STX2: variants seen among roughly 807,000 people sequenced by gnomAD.
The protein encoded by STX2 is syntaxin 2, also known as syntaxin-2.
In STX2, 27 loss-of-function variants were observed where a neutral mutation model predicts 40.6. The ratio of observed to expected loss-of-function variants is 0.66; its 90% CI spans 0.49 to 0.92. STX2 has a LOEUF of 0.92. STX2 is among the 40% of genes least tolerant of loss of function. The probability of loss-of-function intolerance (pLI) is 0.00; values close to 1 mark genes in which losing one functional copy is unlikely to be tolerated. For missense variants in STX2, 328 were observed against 366.1 expected (o/e 0.90, Z 0.85); for synonymous variants, 123 against 119.1 (o/e 1.03, Z -0.22).
chr12:130,818,250 A>C (rs1951963844), intron 3 of STX2, among the ~76,000 whole-genome samples: 1 of 141,532 alleles, frequency 7.1e-6, no homozygotes, highest in South Asian at 2.2e-4. Flanking sequence ...ATAAACCTGT[A>C]ATCCCAGCTA....
At chr12:130,819,715 C>T (rs1484355362) in intron 3 of STX2, among the ~76,000 whole-genome samples, 5 of 152,192 alleles carry the variant, frequency 3.3e-5, no homozygotes, top group Non-Finnish European at 7.3e-5. Context: ...AAAGGTCCTA[C>T]GGGCAAATAA....
intron 10 of STX2, among the ~76,000 whole-genome samples, chr12:130,795,536 C>A (rs1318792791): frequency 5.9e-5 from 9 of 152,100 alleles, no homozygotes; most frequent in Non-Finnish European, 1.2e-4. Context: ...AATTCGAGAC[C>A]AGCCTGGGCA....
chr12:130,837,669 C>T (rs756032113), intron 1 of STX2, among the ~76,000 whole-genome samples: 3 of 152,174 alleles, frequency 2.0e-5, no homozygotes, highest in Non-Finnish European at 2.9e-5. Context: ...TCAAGTGATG[C>T]CCCCACCCTG....
chr12:130,810,468 T>C (rs370001230), intron 4 of STX2: 7 of 152,236 alleles, frequency 4.6e-5, no homozygotes, highest in African/African-American at 7.2e-5. Flanking sequence ...CCTCGGTGTC[T>C]AGATCACATT....
chr12:130,805,400 G>A (rs573444120), intron 6 of STX2, among the ~76,000 whole-genome samples: 2 of 152,328 alleles, frequency 1.3e-5, no homozygotes, highest in East Asian at 3.9e-4. Flanking sequence ...GAGCAGAAAG[G>A]GCCCAGGTGG....
chr12:130,807,077 G>C lies in STX2; in HGVS notation c.368C>G (p.Ser123Cys). Reference protein sequence around the residue: ...RIRRTQHSVLSRKFVEAMAEY... With the variant: ...RIRRTQHSVLCRKFVEAMAEY... The stretch of plus-strand genomic sequence containing the variant: ...CGCCATGGCTTCCACAAACTTCCGA[G>C]ACAGCACCGAATGCTAACAACACAG... Residue 123 changes from serine (S) to cysteine (C), a missense_variant, in exon 6 of 11, where the codon TCT becomes TGT. Ser to Cys is a moderately radical substitution (Grantham distance 112). Transcript: ENST00000392373. The C allele has an allele frequency of 6.2e-7, 1 of 1,614,178 alleles. No homozygotes were observed. Among genetic ancestry groups the C allele is most frequent in the South Asian group, 1.1e-5 (1 of 91,088 alleles).
At chr12:130,828,265 C>CTGGAGTG (rs1952402288) in intron 1 of STX2, among the ~76,000 whole-genome samples, 1 of 152,002 alleles carries the variant, frequency 6.6e-6, no homozygotes, top group Non-Finnish European at 1.5e-5. Context: ...GTCGCCCAGG[C>CTGGAGTG]TGGAGTGTGG....
At chr12:130,827,128 G>GGGGT (rs1446976551) in intron 2 of STX2, 65 bp downstream of exon 2, 12 of 665,806 alleles carry the variant, frequency 1.8e-5, no homozygotes, top group South Asian at 5.8e-5. Context: ...AAAGGAGGGA[G>GGGGT]GGGTGGGGGG....
chr12:130,801,874 A>C (rs1951241525), intron 6 of STX2, among the ~76,000 whole-genome samples: 1 of 152,210 alleles, frequency 6.6e-6, no homozygotes, highest in South Asian at 2.1e-4. Context: ...CCACGTAATG[A>C]GAGTCAGATG....
intron 1 of STX2, among the ~76,000 whole-genome samples, chr12:130,835,011 A>G (rs3996418): frequency 0.67 from 102,385 of 152,244 alleles, 37,972 homozygotes; most frequent in East Asian, 0.99. Flanking sequence ...TTTGCAGGCC[A>G]GGCACGGTGG....
intron 3 of STX2, 31 bp downstream of exon 3, chr12:130,821,658 A>C (rs1952118844): frequency 1.3e-6 from 2 of 1,564,514 alleles, no homozygotes; most frequent in Non-Finnish European, 1.8e-6. Context: ...ACAGACAGAC[A>C]AACGTTTTGT....
rs1952843266 is a variant in STX2 at position 130,839,249 on chromosome 12, G to C, written c.-150C>G. On this transcript the variant is annotated 5_prime_UTR_variant, in exon 1 of 11. Transcript: ENST00000392373. ...TGGAGCCGGCGCTGCCACGGCAACC[G>C]CGCCCCGCGCGCTCTGCGCATGCCC... The C allele has an allele frequency of 8.6e-6, 5 of 583,260 alleles. No homozygotes were observed. The highest frequency in any genetic ancestry group is 1.1e-5 in the Non-Finnish European group (5 of 457,264). The allele number at this position is 583,260 out of a possible 1,614,324, so 36.1% of individuals were successfully genotyped here.
chr12:130,793,850 A>T (rs959266612), intron 10 of STX2, among the ~76,000 whole-genome samples: 13 of 152,364 alleles, frequency 8.5e-5, no homozygotes, highest in Non-Finnish European at 4.4e-5. Context: ...GAAGTTAAGG[A>T]CATTAACCAC....
intron 1 of STX2, among the ~76,000 whole-genome samples, chr12:130,836,803 A>G (rs1952768319): frequency 6.6e-6 from 1 of 152,202 alleles, no homozygotes; most frequent in African/African-American, 2.4e-5. Flanking sequence ...CCAAGATGAG[A>G]AACTCCATGA....
In STX2 at chr12:130,814,725, C is replaced by T. The variant is rs550356400; in HGVS notation, c.206-1694G>A. ...AATCTCGACTCGTTGCAACTTCCGC[C>T]TCCTGGGTTCAAGCGATTCTCCTGC... On this transcript the variant is annotated intron_variant, in intron 3 of 10. Coordinates refer to ENST00000392373, the MANE Select transcript of STX2 (RefSeq NM_194356.4). Among the ~76,000 whole-genome samples, 3 of 148,642 alleles carry T rather than the reference C, an allele frequency of 2.0e-5. No individual in the cohort carries two copies. In the South Asian group the frequency reaches 6.3e-4, roughly 31 times the overall value.
At chr12:130,803,013 A>C (rs1314275106) in intron 6 of STX2, among the ~76,000 whole-genome samples, 1 of 152,236 alleles carries the variant, frequency 6.6e-6, no homozygotes, top group Non-Finnish European at 1.5e-5. Context: ...AAAGTGTTTT[A>C]AATTGATTGT....
At chr12:130,805,023 G>A (rs1389113366) in intron 6 of STX2, among the ~76,000 whole-genome samples, 1 of 152,142 alleles carries the variant, frequency 6.6e-6, no homozygotes, top group African/African-American at 2.4e-5. Flanking sequence ...AGCCCAGGCT[G>A]GGGAACTCTG....
chr12:130,797,234 C>T (rs1468530217), intron 9 of STX2, among the ~76,000 whole-genome samples: 2 of 152,224 alleles, frequency 1.3e-5, no homozygotes, highest in Non-Finnish European at 2.9e-5. Context: ...CTATCGTTTT[C>T]ACCAGACTGA....
chr12:130,821,147 G>T (rs1341458369), intron 3 of STX2, among the ~76,000 whole-genome samples: 1 of 152,200 alleles, frequency 6.6e-6, no homozygotes, highest in Non-Finnish European at 1.5e-5. Context: ...GTGTGCCTCA[G>T]ATTCAAAAGG....
Sources: gnomAD v4.1 joint callset for allele counts (sites outside exome capture counted in the v4.1 genomes callset) on GRCh38, gnomAD v4.1.1 for gene constraint, MANE v1.5 for transcripts, NCBI Gene and HGNC (gene_info 2026-07-23, HGNC 2026-07-21) for gene names.